Variants in ALG2 observed in about 807,000 individuals in gnomAD.
ALG2 encodes the protein ALG2 alpha-1,3/1,6-mannosyltransferase, also known as alpha-1,3/1,6-mannosyltransferase ALG2.
A neutral mutation model predicts 30.5 loss-of-function variants in ALG2; 32 were observed. The observed-to-expected ratio is 1.05, with a 90% CI of 0.79 to 1.41. The LOEUF is 1.41. Ranked by LOEUF, ALG2 falls within the 40% of genes most tolerant of loss-of-function variation. ALG2 has a pLI of 0.00. For missense variants in ALG2, 574 were observed against 526.4 expected, an observed-to-expected ratio of 1.09 and a Z score of -0.88; for synonymous variants, 253 against 224.8, an observed-to-expected ratio of 1.13 and a Z score of -1.12.
rs768862419 is a variant in ALG2 at position 99,221,682 on chromosome 9, G to T, written c.213C>A (p.Ala71=). 2.6e-6 allele frequency: 4 copies of T among 1,568,404 alleles called. No individual in the cohort carries two copies. The highest frequency in any genetic ancestry group is 1.3e-5 in the African/African-American group (1 of 74,130). ...AESRELPVRC[A]GDWLPRGLGW... is the part of the protein sequence containing the mutation. Reference sequence around the variant, plus strand: ...CCAGGCCTCGCGGCAGCCAGTCCCCGGCACAGCGCACCGGTAGCTCGCGGC... The same window carrying T: ...CCAGGCCTCGCGGCAGCCAGTCCCCTGCACAGCGCACCGGTAGCTCGCGGC... Residue 71 remains alanine (A), a synonymous_variant, in exon 1 of 2, where the codon GCC becomes GCA. Coordinates refer to ENST00000476832, the MANE Select transcript of ALG2 (RefSeq NM_033087.4).
Position 99,216,715 on chromosome 9 carries a change from C to A in ALG2, c.*1219G>T, listed in dbSNP as rs1165909350. 2.0e-5 allele frequency: 9 copies of A among 450,220 alleles called. No homozygotes were observed. Among genetic ancestry groups the A allele is most frequent in the South Asian group, 3.1e-5 (2 of 63,984 alleles). 27.9% of individuals were successfully genotyped at this position (450,220 alleles called of 1,614,324 possible). A position where few individuals can be genotyped will look rare whatever the true frequency, so the allele number is the denominator to read the frequency against. On this transcript the variant is annotated 3_prime_UTR_variant, in exon 2 of 2. Coordinates refer to ENST00000476832, the MANE Select transcript of ALG2 (RefSeq NM_033087.4). ...AGTATTAAGTACTTTGTAATATTAT[C>A]ATAATCTGTTATAACCGCACTATGA... is the stretch of plus-strand genomic sequence containing the variant.
Position 99,221,581 on chromosome 9 carries a change from G to C in ALG2, c.314C>G (p.Ala105Gly), listed in dbSNP as rs747781559. ...CACTACCACGTCGAACTCCTCGTCG[G>C]CGAGGAACAGCACGTAGAGCGCCAG... ...VFLALYVLFLADEEFDVVVCD... is the reference protein window; with the variant it reads ...VFLALYVLFLGDEEFDVVVCD... Residue 105 changes from alanine to glycine, a missense_variant, in exon 1 of 2, where the codon GCC becomes GGC. Transcript: ENST00000476832. 6.5e-7 allele frequency: 1 copy of C among 1,544,552 alleles called. No individual in the cohort carries two copies. Among genetic ancestry groups the C allele is most frequent in the African/African-American group, 1.4e-5 (1 of 73,100 alleles).
At position 99,218,590 on chromosome 9, in the gene ALG2, G is replaced by A. The variant is rs779896952; in HGVS notation, c.595C>T (p.Leu199Phe). 7 of 1,614,200 alleles carry A rather than the reference G, an allele frequency of 4.3e-6. No individual in the cohort carries two copies. The highest frequency in any genetic ancestry group is 5.9e-6 in the Non-Finnish European group (7 of 1,180,038). The change falls in exon 2 of 2, where the codon CTC becomes TTC. Residue 199 changes from leucine to phenylalanine, a missense_variant. By Grantham distance (22) the Leu-to-Phe change is conservative. Transcript: ENST00000476832. ...KSLSHIDPDV[L>F]YPSLNVTSFD... The stretch of plus-strand genomic sequence containing the variant: ...CTGGTGACATTTAGAGATGGATAGA[G>A]GACATCAGGGTCTATGTGAGACAGG...
chr9:99,220,859 A>G lies in ALG2; in HGVS notation c.348+688T>C, dbSNP rs1181476476. 5 of 1,066,312 alleles carry G rather than the reference A, an allele frequency of 4.7e-6. No individual in the cohort carries two copies. In the African/African-American group the frequency reaches 6.6e-5, roughly 14 times the overall value. The allele number at this position is 1,066,312 out of a possible 1,614,324, so 66.1% of individuals were successfully genotyped here. A position where few individuals can be genotyped will look rare whatever the true frequency, so the allele number is the denominator to read the frequency against. ...CTTTTAGGTTACATCCTTCTATACTACTAAATTTTTAATCGAGTAAATGTT... is the reference window on the plus strand; with the variant it reads ...CTTTTAGGTTACATCCTTCTATACTGCTAAATTTTTAATCGAGTAAATGTT... On this transcript the variant is annotated intron_variant, in intron 1 of 1. Transcript: ENST00000476832.
At chr9:99,219,274 T>C (rs530868878) in intron 1 of ALG2, among the ~76,000 whole-genome samples, 26 of 152,356 alleles carry the variant, frequency 1.7e-4, no homozygotes, top group African/African-American at 5.8e-4. Flanking sequence ...CACATCTCAG[T>C]TTAGACTAGC....
chr9:99,221,426 C>T, intron 1 of ALG2, 121 bp downstream of exon 1: 1 of 1,185,136 alleles, frequency 8.4e-7, no homozygotes. Context: ...CCTGACTTCT[C>T]CATGTCAGTT....
At position 99,218,397 on chromosome 9, in the gene ALG2, T is replaced by C. The variant is rs1195681029; in HGVS notation, c.788A>G (p.His263Arg). 6.2e-7 allele frequency: 1 copy of C among 1,614,220 alleles called. No homozygotes were observed. The highest frequency in any genetic ancestry group is 1.1e-5 in the South Asian group (1 of 91,084). ...RLTSQDWERVHLIVAGGYDER... is the reference protein window; with the variant it reads ...RLTSQDWERVRLIVAGGYDER... ...GTCATAACCACCTGCCACGATCAGATGAACCCTCTCCCAATCTTGGGATGT... is the reference window on the plus strand; with the variant it reads ...GTCATAACCACCTGCCACGATCAGACGAACCCTCTCCCAATCTTGGGATGT... The change falls in exon 2 of 2, where the codon CAT becomes CGT. Residue 263 changes from histidine to arginine, a missense_variant. Physicochemically the swap from His to Arg is conservative, Grantham distance 29. Transcript: ENST00000476832.
chr9:99,221,373 T>C (rs1277015875), intron 1 of ALG2, among the ~76,000 whole-genome samples, 174 bp downstream of exon 1: 13 of 152,220 alleles, frequency 8.5e-5, no homozygotes, highest in Admixed American at 8.5e-4. Flanking sequence ...CAACTTTAAA[T>C]GGGCCCACAC....
chr9:99,221,511 T>C, intron 1 of ALG2, 36 bp downstream of exon 1: 1 of 1,535,040 alleles, frequency 6.5e-7, no homozygotes, highest in Non-Finnish European at 8.8e-7. Flanking sequence ...CACGGCGAGG[T>C]CCGCACTCGC....
chr9:99,217,276 T>C lies in ALG2; in HGVS notation c.*658A>G, dbSNP rs994241167. ...CTTCATTTCAATATCCACTTTACCC[T>C]AGTGTTCTGATTTCCAGTTTGGTTG... On this transcript the variant is annotated 3_prime_UTR_variant, in exon 2 of 2. Coordinates refer to ENST00000476832, the MANE Select transcript of ALG2 (RefSeq NM_033087.4). 31 of 454,050 alleles carry C rather than the reference T, an allele frequency of 6.8e-5. No homozygotes were observed. Among genetic ancestry groups the C allele is most frequent in the African/African-American group, 4.2e-4 (21 of 50,022 alleles). 28.1% of individuals were successfully genotyped at this position (454,050 alleles called of 1,614,324 possible).
Position 99,218,819 on chromosome 9 carries a change from T to G in ALG2, c.366A>C (p.Pro122=), listed in dbSNP as rs765965810. ...VVCDQVSACI[P]VFRLARRRKK... ...TCCGCCGTCTAGCCAGCCTGAACAC[T>G]GGGATACAGGCAGACACCTAGCCAA... The change falls in exon 2 of 2, where the codon CCA becomes CCC. Residue 122 remains proline, a synonymous_variant. Transcript: ENST00000476832. The G allele has an allele frequency of 8.1e-6, 13 of 1,605,118 alleles. No homozygotes were observed. The highest frequency in any genetic ancestry group is 1.1e-5 in the Non-Finnish European group (13 of 1,179,960).
rs778702945 is a variant in ALG2, at chr9:99,221,724, G to A, written c.171C>T (p.Gly57=). The change falls in exon 1 of 2, where the codon GGC becomes GGT. Residue 57 remains glycine, a synonymous_variant. Coordinates refer to ENST00000476832, the MANE Select transcript of ALG2 (RefSeq NM_033087.4). The part of the protein sequence containing the change: ...VKIWTAHYDP[G]HCFAESRELP... ...GCTCGCGGCTCTCGGCGAAACAGTG[G>A]CCCGGGTCGTAGTGCGCTGTCCAGA... The A allele has an allele frequency of 1.3e-6, 2 of 1,598,012 alleles. No homozygotes were observed. Among genetic ancestry groups the A allele is most frequent in the Non-Finnish European group, 8.5e-7 (1 of 1,179,074 alleles).
chr9:99,219,342 C>T (rs2074670016), intron 1 of ALG2, among the ~76,000 whole-genome samples: 1 of 152,150 alleles, frequency 6.6e-6, no homozygotes, highest in South Asian at 2.1e-4. Context: ...TGAACAGTGC[C>T]GCTCTAGGAT....
chr9:99,216,775 G>C lies in ALG2; in HGVS notation c.*1159C>G. The C allele has an allele frequency of 2.2e-6, 1 of 453,982 alleles. No individual in the cohort carries two copies. The highest frequency in any genetic ancestry group is 4.4e-6 in the Non-Finnish European group (1 of 226,718). 28.1% of individuals were successfully genotyped at this position (453,982 alleles called of 1,614,324 possible). ...AATAGTACAATTATCTCACTTTGCA[G>C]ATGAAGAAGCTGAGGTATAGAGATC... On this transcript the variant is annotated 3_prime_UTR_variant, in exon 2 of 2. Transcript: ENST00000476832.
chr9:99,219,017 C>T (rs1287931210), intron 1 of ALG2, among the ~76,000 whole-genome samples, 181 bp from the exon 2 acceptor site: 2 of 152,238 alleles, frequency 1.3e-5, no homozygotes, highest in East Asian at 1.9e-4. Flanking sequence ...AGGCTACAGA[C>T]GTTTGCTAGA....
chr9:99,218,915 G>T (rs539459729), intron 1 of ALG2, 79 bp from the exon 2 acceptor site: 6 of 1,499,566 alleles, frequency 4.0e-6, no homozygotes, highest in Non-Finnish European at 5.5e-6. Flanking sequence ...CACCCACCCC[G>T]TCTGGCTAGT....
intron 1 of ALG2, among the ~76,000 whole-genome samples, chr9:99,220,499 C>T (rs1828773971): frequency 6.6e-6 from 1 of 152,106 alleles, no homozygotes; most frequent in Non-Finnish European, 1.5e-5. Context: ...GGTGAAACCC[C>T]ATCTCTACTA....
rs1828695157 is a variant in ALG2, at chr9:99,216,630, C to CTAA, written c.*1301_*1303dup. 2.2e-6 allele frequency: 1 copy of CTAA among 453,492 alleles called. No homozygotes were observed. The highest frequency in any genetic ancestry group is 1.6e-5 in the South Asian group (1 of 64,274). 28.1% of individuals were successfully genotyped at this position (453,492 alleles called of 1,614,324 possible). A position where few individuals can be genotyped will look rare whatever the true frequency, so the allele number is the denominator to read the frequency against. On this transcript the variant is annotated 3_prime_UTR_variant, in exon 2 of 2. Coordinates refer to ENST00000476832, the MANE Select transcript of ALG2 (RefSeq NM_033087.4). Reference sequence around the variant, plus strand: ...TGCAGCATGAACTAACATGCAATTTCTAATTTTCAATATCCCCAAATTGCA... The same window carrying CTAA: ...TGCAGCATGAACTAACATGCAATTTCTAATAATTTTCAATATCCCCAAATTGCA...
chr9:99,217,551 T>C lies in ALG2; in HGVS notation c.*383A>G, dbSNP rs1381921233. ...TACAATAGCCCTGCTCTCATTATAC[T>C]ATGAAGCCAAATTAATCAACTTTGA... On this transcript the variant is annotated 3_prime_UTR_variant, in exon 2 of 2. Coordinates refer to ENST00000476832, the MANE Select transcript of ALG2 (RefSeq NM_033087.4). The C allele has an allele frequency of 2.2e-6, 1 of 457,422 alleles. No individual in the cohort carries two copies. Among genetic ancestry groups the C allele is most frequent in the African/African-American group, 2.0e-5 (1 of 50,144 alleles). 28.3% of individuals were successfully genotyped at this position (457,422 alleles called of 1,614,324 possible). A position where few individuals can be genotyped will look rare whatever the true frequency, so the allele number is the denominator to read the frequency against.
Sources: gnomAD v4.1 joint callset for allele counts (sites outside exome capture counted in the v4.1 genomes callset) on GRCh38, gnomAD v4.1.1 for gene constraint, MANE v1.5 for transcripts, NCBI Gene and HGNC (gene_info 2026-07-23, HGNC 2026-07-21) for gene names.